LMO7: variants seen among roughly 807,000 people sequenced by gnomAD.
The protein encoded by LMO7 is LIM domain only protein 7.
A neutral mutation model predicts 206.5 loss-of-function variants in LMO7; 120 were observed. That is an observed-to-expected ratio of 0.58 (90% CI 0.50 to 0.68). The LOEUF (loss-of-function observed/expected upper bound fraction) is 0.68. Ranked by LOEUF, LMO7 falls within the 30% of genes least tolerant of loss-of-function variation. LMO7 has a pLI of 0.00. For synonymous variants in LMO7, 706 were observed against 681.5 expected (o/e 1.04, Z -0.56); for missense variants, 1,959 against 1,957.9 (o/e 1.00, Z -0.01).
At position 75,821,498 on chromosome 13, in the gene LMO7, T is replaced by C. The variant is rs761976444; in HGVS notation, c.2529T>C (p.Ser843=). ...TGGAATCAACTCGTGTTTCAGCTTC[T>C]CTCCCCAGAAGTTACCGGAAAACTG... The part of the protein sequence containing the change: ...TQMESTRVSA[S]LPRSYRKTDT... The change falls in exon 14 of 31, where the codon TCT becomes TCC. Residue 843 remains serine, a synonymous_variant. Coordinates refer to ENST00000377534, the MANE Select transcript of LMO7 (RefSeq NM_001306080.2). 1 of 1,614,116 alleles carries C rather than the reference T, an allele frequency of 6.2e-7. No homozygotes were observed. Among genetic ancestry groups the C allele is most frequent in the East Asian group, 2.2e-5 (1 of 44,884 alleles).
intron 4 of LMO7, among the ~76,000 whole-genome samples, chr13:75,791,988 G>A (rs1480803562): frequency 2.0e-5 from 3 of 151,900 alleles, no homozygotes; most frequent in African/African-American, 7.3e-5. Flanking sequence ...CTTTTCTTGA[G>A]AGAGGGTCTC....
At position 75,771,660 on chromosome 13, in the gene LMO7, A is replaced by C. The variant is rs181864628; in HGVS notation, c.317+10622A>C. On this transcript the variant is annotated intron_variant, in intron 4 of 30. Coordinates refer to ENST00000377534, the MANE Select transcript of LMO7 (RefSeq NM_001306080.2). ...CTCTATTTTACTTAATCTTGTTAAAAACAAACTAAACTGTGTCTCTCTCCT... is the reference window on the plus strand; with the variant it reads ...CTCTATTTTACTTAATCTTGTTAAACACAAACTAAACTGTGTCTCTCTCCT... 1.6e-4 allele frequency among the ~76,000 whole-genome samples: 8 copies of C among 51,354 alleles called. No homozygotes were observed. The East Asian group carries it at 6.1e-3, about 39-fold the overall frequency. The allele number at this position is 51,354 out of a possible 152,430, so 33.7% of individuals were successfully genotyped here.
chr13:75,820,520 G>T (rs767407179), intron 13 of LMO7, among the ~76,000 whole-genome samples: 3 of 152,160 alleles, frequency 2.0e-5, no homozygotes, highest in South Asian at 2.1e-4. Context: ...GATATTTATA[G>T]TGTTTTAATT....
chr13:75,744,696 TG>T (rs2046688940), intron 3 of LMO7, among the ~76,000 whole-genome samples: 1 of 152,234 alleles, frequency 6.6e-6, no homozygotes, highest in African/African-American at 2.4e-5. Context: ...CTTCCCATCC[TG>T]AAAATATTTA....
intron 1 of LMO7, among the ~76,000 whole-genome samples, chr13:75,664,330 G>T (rs547520766): frequency 6.6e-6 from 1 of 152,238 alleles, no homozygotes; most frequent in African/African-American, 2.4e-5. Flanking sequence ...ATGATCTCCA[G>T]TTCCATCCAT....
At position 75,807,676 on chromosome 13, in the gene LMO7, G is replaced by A. The variant is rs1216188179; in HGVS notation, c.1393G>A (p.Val465Ile). Reference sequence around the variant, plus strand: ...TGACTTAGAGAATGATGATTTCTTTGTCAGAAAGACTGGGGCTTTCCATGC... The same window carrying A: ...TGACTTAGAGAATGATGATTTCTTTATCAGAAAGACTGGGGCTTTCCATGC... ...DPDLENDDFF[V>I]RKTGAFHANP... Residue 465 changes from valine to isoleucine, a missense_variant, in exon 10 of 31, where the codon GTC becomes ATC. Val to Ile is a conservative substitution (Grantham distance 29). Transcript: ENST00000377534. 6.2e-7 allele frequency: 1 copy of A among 1,613,858 alleles called. No individual in the cohort carries two copies. Among genetic ancestry groups the A allele is most frequent in the African/African-American group, 1.3e-5 (1 of 74,928 alleles).
intron 4 of LMO7, among the ~76,000 whole-genome samples, chr13:75,774,923 A>G (rs541212227): frequency 6.6e-6 from 1 of 152,206 alleles, no homozygotes; most frequent in African/African-American, 2.4e-5. Context: ...TCTTTGCCTA[A>G]CCCAATGTTG....
intron 4 of LMO7, among the ~76,000 whole-genome samples, chr13:75,786,475 C>T (rs1357293345): frequency 2.6e-5 from 4 of 151,450 alleles, no homozygotes; most frequent in South Asian, 2.1e-4. Context: ...CCCAAGTTCA[C>T]GCCACTCTCC....
intron 2 of LMO7, among the ~76,000 whole-genome samples, chr13:75,718,400 A>G (rs1594492629): frequency 6.6e-6 from 1 of 152,348 alleles, no homozygotes; most frequent in Admixed American, 6.5e-5. Flanking sequence ...ATTTAGTAAC[A>G]TTACTTCGTA....
chr13:75,706,067 A>C (rs1310210062), intron 1 of LMO7, among the ~76,000 whole-genome samples: 1 of 152,204 alleles, frequency 6.6e-6, no homozygotes, highest in Non-Finnish European at 1.5e-5. Flanking sequence ...CATGCATATT[A>C]TCTCATTTAA....
intron 2 of LMO7, among the ~76,000 whole-genome samples, chr13:75,726,239 C>G (rs1259223008): frequency 1.8e-4 from 27 of 151,912 alleles, no homozygotes; most frequent in Non-Finnish European, 2.9e-5. Context: ...CAACCTGGCA[C>G]AGTGTCAGTG....
intron 26 of LMO7, 61 bp from the exon 27 acceptor site, chr13:75,849,018 A>G (rs2060251313): frequency 1.4e-5 from 13 of 945,872 alleles, no homozygotes; most frequent in Middle Eastern, 5.3e-4. Flanking sequence ...AGTGATGTCA[A>G]TCATCACTGT....
At chr13:75,832,511 G>A (rs1299788807) in intron 15 of LMO7, among the ~76,000 whole-genome samples, 2 of 152,112 alleles carry the variant, frequency 1.3e-5, no homozygotes, top group African/African-American at 4.8e-5. Flanking sequence ...TGTGGCATTT[G>A]GGCAAGCAAA....
intron 1 of LMO7, among the ~76,000 whole-genome samples, chr13:75,660,420 C>CT (rs2038469484): frequency 6.6e-6 from 1 of 152,118 alleles, no homozygotes; most frequent in Non-Finnish European, 1.5e-5. Context: ...ATTAATTTGC[C>CT]TTTTTTTGAT....
chr13:75,715,352 G>A (rs955237508), intron 2 of LMO7, among the ~76,000 whole-genome samples: 1 of 152,206 alleles, frequency 6.6e-6, no homozygotes, highest in Non-Finnish European at 1.5e-5. Flanking sequence ...AATGGCAACA[G>A]CAAACATTTG....
At chr13:75,693,706 T>TC (rs1372779386) in intron 1 of LMO7, among the ~76,000 whole-genome samples, 2 of 152,308 alleles carry the variant, frequency 1.3e-5, no homozygotes, top group Middle Eastern at 3.4e-3. Flanking sequence ...CAGAGTGTTT[T>TC]CCCCCAGCGT....
intron 25 of LMO7, among the ~76,000 whole-genome samples, 193 bp from the exon 26 acceptor site, chr13:75,845,134 T>G (rs1477733850): frequency 6.6e-6 from 1 of 152,222 alleles, no homozygotes; most frequent in Non-Finnish European, 1.5e-5. Flanking sequence ...CTCTTCTCTT[T>G]TTTAAGGATG....
intron 4 of LMO7, among the ~76,000 whole-genome samples, chr13:75,771,517 G>C (rs935052182): frequency 4.5e-4 from 12 of 26,496 alleles, no homozygotes; most frequent in Admixed American, 2.8e-3. Flanking sequence ...TTATAGCACT[G>C]GCCTGAAACC....
chr13:75,633,841 CTTTTTTTTT>C (rs60769000), upstream of LMO7, among the ~76,000 whole-genome samples: 22 of 64,702 alleles, frequency 3.4e-4, no homozygotes, highest in South Asian at 3.9e-3. Flanking sequence ...GTGTCTTTTC[CTTTTTTTTT>C]TTTTTTTTTT....
Sources: allele counts gnomAD v4.1 joint callset (sites outside exome capture counted in the v4.1 genomes callset), GRCh38; gene constraint gnomAD v4.1.1; transcripts MANE v1.5; gene names NCBI Gene and HGNC (gene_info 2026-07-23, HGNC 2026-07-21).